The following LUZP2 variants were observed in gnomAD, a reference collection of about 807,000 sequenced individuals.
The protein encoded by LUZP2 is leucine zipper protein 2.
LUZP2 carries 52 observed loss-of-function variants against 51.6 expected under a neutral mutation model. The observed-to-expected ratio is 1.01, with a 90% CI of 0.81 to 1.27. LUZP2 has a LOEUF of 1.27. Among genes scored for constraint, LUZP2 ranks in the 50% most tolerant of loss-of-function variants. The pLI is 0.00. For missense variants in LUZP2, 436 were observed against 395.4 expected (o/e 1.10, Z -0.87); for synonymous variants, 154 against 137.3 (o/e 1.12, Z -0.85).
intron 1 of LUZP2, among the ~76,000 whole-genome samples, chr11:24,595,360 G>C (rs1034967717): frequency 6.6e-6 from 1 of 152,106 alleles, no homozygotes; most frequent in Non-Finnish European, 1.5e-5. Context: ...AAGGAGCACA[G>C]GCACTGGGGA....
At chr11:24,830,640 C>T (rs1212887177) in intron 5 of LUZP2, among the ~76,000 whole-genome samples, 1 of 152,082 alleles carries the variant, frequency 6.6e-6, no homozygotes, top group Non-Finnish European at 1.5e-5. Context: ...ACTATTATTA[C>T]CGCAATTTTA....
chr11:24,602,126 G>GTATATATGTATATATGTATA, intron 1 of LUZP2, among the ~76,000 whole-genome samples: 1 of 105,164 alleles, frequency 9.5e-6, no homozygotes, highest in African/African-American at 3.8e-5. Context: ...ATGTATATAT[G>GTATATATGTATATATGTATA]TATATGTGTA....
intron 10 of LUZP2, among the ~76,000 whole-genome samples, chr11:25,051,738 G>A (rs1437355561): frequency 6.6e-6 from 1 of 152,134 alleles, no homozygotes; most frequent in Non-Finnish European, 1.5e-5. Flanking sequence ...ATAAGGCCAT[G>A]GTGTTAATTC....
chr11:25,057,056 T>C (rs1352736570), intron 10 of LUZP2, among the ~76,000 whole-genome samples: 9 of 152,232 alleles, frequency 5.9e-5, no homozygotes, highest in Admixed American at 2.6e-4. Context: ...GCTGAGATCG[T>C]GCCACTGCAC....
At chr11:24,591,104 A>G in intron 1 of LUZP2, among the ~76,000 whole-genome samples, 1 of 151,998 alleles carries the variant, frequency 6.6e-6, no homozygotes. Context: ...GCAAGCCCCA[A>G]TCCCTTAAAA....
intron 1 of LUZP2, among the ~76,000 whole-genome samples, chr11:24,632,521 T>G (rs1854931854): frequency 6.6e-6 from 1 of 152,018 alleles, no homozygotes; most frequent in Non-Finnish European, 1.5e-5. Context: ...ACAAGTATGA[T>G]TTTTAATGTA....
intron 1 of LUZP2, among the ~76,000 whole-genome samples, chr11:24,654,733 C>T (rs1388155215): frequency 1.3e-5 from 2 of 149,902 alleles, no homozygotes; most frequent in African/African-American, 4.9e-5. Context: ...CCATCTTGGC[C>T]AGGCTGGTCT....
intron 5 of LUZP2, among the ~76,000 whole-genome samples, chr11:24,774,379 T>TATATAC (rs1554989435): frequency 9.4e-6 from 1 of 106,450 alleles, no homozygotes; most frequent in East Asian, 2.5e-4. Context: ...TATATATATA[T>TATATAC]ATACATACAC....
intron 5 of LUZP2, among the ~76,000 whole-genome samples, chr11:24,904,342 C>T (rs891301448): frequency 6.6e-6 from 1 of 151,814 alleles, no homozygotes; most frequent in Admixed American, 6.6e-5. Context: ...GAGTGCAGTG[C>T]CGTGATCTCG....
chr11:24,997,195 C>T (rs1190979883), intron 9 of LUZP2, among the ~76,000 whole-genome samples: 5 of 151,396 alleles, frequency 3.3e-5, no homozygotes, highest in Non-Finnish European at 5.9e-5. Flanking sequence ...AATCGCCACA[C>T]TGACTTCCAC....
chr11:25,026,801 A>G (rs2133983413), intron 9 of LUZP2, among the ~76,000 whole-genome samples: 1 of 152,068 alleles, frequency 6.6e-6, no homozygotes, highest in Non-Finnish European at 1.5e-5. Context: ...TCTCCGAGAA[A>G]AGAAGAAAAA....
chr11:24,941,610 G>A (rs573987675), intron 7 of LUZP2, among the ~76,000 whole-genome samples: 1 of 152,216 alleles, frequency 6.6e-6, no homozygotes, highest in East Asian at 1.9e-4. Context: ...GAAACTTTGA[G>A]TAGTTTGGGT....
intron 8 of LUZP2, among the ~76,000 whole-genome samples, chr11:24,977,965 TA>T (rs1014029508): frequency 6.6e-6 from 1 of 151,616 alleles, no homozygotes; most frequent in African/African-American, 2.4e-5. Flanking sequence ...AGTAACCATT[TA>T]TTTGCGAAAA....
intron 9 of LUZP2, among the ~76,000 whole-genome samples, chr11:25,047,542 G>C (rs796865728): frequency 2.0e-5 from 3 of 151,914 alleles, no homozygotes; most frequent in African/African-American, 7.2e-5. Context: ...CTTTTCTTCA[G>C]TTTCTATATT....
chr11:24,816,472 C>T (rs895088990), intron 5 of LUZP2, among the ~76,000 whole-genome samples: 4 of 151,944 alleles, frequency 2.6e-5, no homozygotes, highest in Admixed American at 1.3e-4. Flanking sequence ...TTTAGTGGCA[C>T]TTATGGAATT....
At chr11:24,540,281 T>C (rs1319060623) in intron 1 of LUZP2, among the ~76,000 whole-genome samples, 1 of 152,122 alleles carries the variant, frequency 6.6e-6, no homozygotes, top group Non-Finnish European at 1.5e-5. Flanking sequence ...GTTTGTTATG[T>C]CTCTCCCAAA....
intron 5 of LUZP2, among the ~76,000 whole-genome samples, chr11:24,881,802 T>G (rs1369102108): frequency 6.6e-6 from 1 of 152,070 alleles, no homozygotes. Context: ...ATAAAATTTT[T>G]ATGAAGACCA....
chr11:24,601,904 G>GTATATATGTATATATGTA (rs1368049073), intron 1 of LUZP2, among the ~76,000 whole-genome samples: 4 of 76,690 alleles, frequency 5.2e-5, no homozygotes, highest in African/African-American at 1.5e-4. Context: ...ATGTATATAT[G>GTATATATGTATATATGTA]TATATATGTA....
At chr11:24,771,932 T>C (rs950743279) in intron 5 of LUZP2, among the ~76,000 whole-genome samples, 1 of 152,190 alleles carries the variant, frequency 6.6e-6, no homozygotes, top group Non-Finnish European at 1.5e-5. Flanking sequence ...CATGTGGAAC[T>C]GTGAGTCAAT....
Sources: allele counts gnomAD v4.1 joint callset (sites outside exome capture counted in the v4.1 genomes callset), GRCh38; gene constraint gnomAD v4.1.1; transcripts MANE v1.5; gene names NCBI Gene and HGNC (gene_info 2026-07-23, HGNC 2026-07-21).